Variants in ABCD3 observed in about 807,000 individuals in gnomAD.
The protein encoded by ABCD3 is ATP-binding cassette sub-family D member 3.
A neutral mutation model predicts 105.5 loss-of-function variants in ABCD3; 41 were observed. The ratio of observed to expected loss-of-function variants is 0.39; its 90% CI spans 0.30 to 0.50. The LOEUF (loss-of-function observed/expected upper bound fraction) is 0.50, where lower values mean the gene tolerates loss of function less well. ABCD3 is among the 20% of genes least tolerant of loss of function. The pLI is 0.84. For synonymous variants in ABCD3, 258 were observed against 269.0 expected (o/e 0.96, Z 0.40); for missense variants, 622 against 806.3 (o/e 0.77, Z 2.77).
rs545289776 is a variant in ABCD3 at position 94,461,272 on chromosome 1, T to G, written c.147+2629T>G. Among the ~76,000 whole-genome samples, 4 of 152,206 alleles carry G rather than the reference T, an allele frequency of 2.6e-5. No individual in the cohort carries two copies. In the East Asian group the frequency reaches 7.7e-4, roughly 29 times the overall value. Reference sequence around the variant, plus strand: ...CTTAACGTATTTTTTTGGTAGAAATTTTTTATATCCTTTGTGATGGAGATA... The same window carrying G: ...CTTAACGTATTTTTTTGGTAGAAATGTTTTATATCCTTTGTGATGGAGATA... On this transcript the variant is annotated intron_variant, in intron 2 of 22. Coordinates refer to ENST00000370214, the MANE Select transcript of ABCD3 (RefSeq NM_002858.4).
At chr1:94,487,825 G>A (rs754499109) in intron 12 of ABCD3, 34 bp downstream of exon 12, 2 of 1,611,386 alleles carry the variant, frequency 1.2e-6, no homozygotes, top group Non-Finnish European at 8.5e-7. Context: ...AAATGTAACA[G>A]TAAAAATAAA....
In ABCD3 at chr1:94,418,562, G is replaced by A; in HGVS notation, c.84G>A (p.Lys28=). Reference sequence around the variant, plus strand: ...TCCTGCTGCTCTGCCTGCTCCACAAGCGGCGCCGCGCCCTCGGCCTGCACG... The same window carrying A: ...TCCTGCTGCTCTGCCTGCTCCACAAACGGCGCCGCGCCCTCGGCCTGCACG... ...AAFLLLCLLH[K]RRRALGLHGK... The change falls in exon 1 of 23, where the codon AAG becomes AAA. Residue 28 remains lysine, a synonymous_variant. Transcript: ENST00000370214. 1 of 1,601,980 alleles carries A rather than the reference G, an allele frequency of 6.2e-7. No individual in the cohort carries two copies. Among genetic ancestry groups the A allele is most frequent in the Non-Finnish European group, 8.5e-7 (1 of 1,178,492 alleles).
chr1:94,479,431 A>C (rs947795089), intron 8 of ABCD3, among the ~76,000 whole-genome samples: 1 of 149,686 alleles, frequency 6.7e-6, no homozygotes, highest in East Asian at 2.0e-4. Flanking sequence ...GATCAGATTT[A>C]CTTTTTTTTT....
At chr1:94,441,378 G>T (rs1316274167) in intron 1 of ABCD3, among the ~76,000 whole-genome samples, 1 of 152,200 alleles carries the variant, frequency 6.6e-6, no homozygotes, top group Admixed American at 6.5e-5. Flanking sequence ...AGGCTGTGAA[G>T]AAACTGGAAC....
At chr1:94,452,400 A>G (rs2100942457) in intron 1 of ABCD3, among the ~76,000 whole-genome samples, 1 of 152,362 alleles carries the variant, frequency 6.6e-6, no homozygotes, top group East Asian at 1.9e-4. Context: ...GAAATGGTCA[A>G]ATAATTCAGT....
At chr1:94,462,717 G>A (rs375754881) in intron 2 of ABCD3, among the ~76,000 whole-genome samples, 16 of 152,224 alleles carry the variant, frequency 1.1e-4, no homozygotes, top group African/African-American at 3.9e-4. Context: ...GCTAGAAACA[G>A]GTGGTCCTCT....
the ABCD3 span, among the ~76,000 whole-genome samples, chr1:94,385,354 A>G: frequency 7.2e-5 from 11 of 152,310 alleles, no homozygotes; most frequent in Non-Finnish European, 1.3e-4. Flanking sequence ...TGATTTTACA[A>G]CATGTGAGGA....
At chr1:94,495,624 T>A (rs1363520310) in intron 16 of ABCD3, among the ~76,000 whole-genome samples, 1 of 152,192 alleles carries the variant, frequency 6.6e-6, no homozygotes, top group Non-Finnish European at 1.5e-5. Context: ...TTATTATTTA[T>A]ATACATCATT....
In ABCD3 at chr1:94,473,836, G is replaced by GT. The variant is rs1178213489; in HGVS notation, c.405+2dup. 4 of 1,610,950 alleles carry GT rather than the reference G, an allele frequency of 2.5e-6. No individual in the cohort carries two copies. The highest frequency in any genetic ancestry group is 3.4e-6 in the Non-Finnish European group (4 of 1,178,038). On this transcript the variant is annotated splice_donor_variant, in intron 5 of 22. Transcript: ENST00000370214. LOFTEE classifies it high-confidence loss of function. ...CAACTTCATCGCTGCCATGCCTCTT[G>GT]TAAGTTTAATTCATTAAAAATCTTT...
intron 21 of ABCD3, among the ~76,000 whole-genome samples, chr1:94,507,297 A>G (rs1411196248): frequency 6.6e-6 from 1 of 152,164 alleles, no homozygotes; most frequent in African/African-American, 2.4e-5. Flanking sequence ...AATTTCATCC[A>G]TGTCCCTACA....
chr1:94,399,258 A>G, the ABCD3 span, among the ~76,000 whole-genome samples: 1 of 152,230 alleles, frequency 6.6e-6, no homozygotes, highest in Non-Finnish European at 1.5e-5. Context: ...CAAAAGTGTT[A>G]TATTTTATAA....
At chr1:94,499,635 T>G (rs1479406361) in intron 20 of ABCD3, 21 bp downstream of exon 20, 1 of 1,612,906 alleles carries the variant, frequency 6.2e-7, no homozygotes, top group East Asian at 2.2e-5. Flanking sequence ...TGTGAAGAAG[T>G]TGCACAAGAA....
the ABCD3 span, among the ~76,000 whole-genome samples, chr1:94,406,233 T>C: frequency 2.0e-5 from 3 of 152,090 alleles, no homozygotes; most frequent in Admixed American, 6.5e-5. Flanking sequence ...CACTAAATTT[T>C]TATATGCACT....
intron 1 of ABCD3, among the ~76,000 whole-genome samples, chr1:94,456,812 A>C (rs892289031): frequency 6.6e-6 from 1 of 152,110 alleles, no homozygotes; most frequent in Non-Finnish European, 1.5e-5. Context: ...TAATTTTTTG[A>C]GGAACCTCCA....
At chr1:94,499,732 G>A (rs1650002649) in intron 20 of ABCD3, 118 bp downstream of exon 20, 1 of 1,280,012 alleles carries the variant, frequency 7.8e-7, no homozygotes, top group Non-Finnish European at 1.1e-6. Flanking sequence ...GTATGGATTA[G>A]TTTAAATTAT....
At chr1:94,421,314 C>T in intron 1 of ABCD3, among the ~76,000 whole-genome samples, 1 of 152,088 alleles carries the variant, frequency 6.6e-6, no homozygotes, top group South Asian at 2.1e-4. Flanking sequence ...CTATGTAACA[C>T]ATCCCTATGA....
At chr1:94,507,560 C>T (rs986179471) in intron 21 of ABCD3, among the ~76,000 whole-genome samples, 21 of 151,880 alleles carry the variant, frequency 1.4e-4, no homozygotes, top group African/African-American at 5.1e-4. Context: ...CCTGAGGAAT[C>T]GCCACACTGA....
chr1:94,461,554 G>A lies in ABCD3; in HGVS notation c.147+2911G>A, dbSNP rs1322287673. ...AATTCATGTGTAAAATGAATTGCAT[G>A]TATCATTCTAATTTTTTCCAGCATA... is the stretch of plus-strand genomic sequence containing the variant. On this transcript the variant is annotated intron_variant, in intron 2 of 22. Transcript: ENST00000370214. 2.0e-5 allele frequency among the ~76,000 whole-genome samples: 3 copies of A among 152,006 alleles called. No individual in the cohort carries two copies. The East Asian group carries it at 5.8e-4, about 29-fold the overall frequency.
chr1:94,452,712 G>A (rs1647317458), intron 1 of ABCD3, among the ~76,000 whole-genome samples: 1 of 151,794 alleles, frequency 6.6e-6, no homozygotes, highest in Non-Finnish European at 1.5e-5. Flanking sequence ...TGGTGTCAAT[G>A]GTTTTTTTTG....
Sources: allele counts gnomAD v4.1 joint callset (sites outside exome capture counted in the v4.1 genomes callset), GRCh38; gene constraint gnomAD v4.1.1; transcripts MANE v1.5; gene names NCBI Gene and HGNC (gene_info 2026-07-23, HGNC 2026-07-21).